The following STAU2 variants were observed in gnomAD, a reference collection of about 807,000 sequenced individuals.
STAU2 encodes the protein double-stranded RNA-binding protein Staufen homolog 2.
A neutral mutation model predicts 65.9 loss-of-function variants in STAU2; 20 were observed. The observed-to-expected ratio is 0.30, with a 90% CI of 0.21 to 0.44. STAU2 has a LOEUF of 0.44. Ranked by LOEUF, STAU2 falls within the 20% of genes least tolerant of loss-of-function variation. The probability of loss-of-function intolerance (pLI) is 1.00; values close to 1 mark genes in which losing one functional copy is unlikely to be tolerated. For missense variants in STAU2, 558 were observed against 683.9 expected, an observed-to-expected ratio of 0.82 and a Z score of 2.05; for synonymous variants, 232 against 233.9, an observed-to-expected ratio of 0.99 and a Z score of 0.07.
At chr8:73,519,776 T>C (rs1046574837) in intron 13 of STAU2, among the ~76,000 whole-genome samples, 1 of 152,222 alleles carries the variant, frequency 6.6e-6, no homozygotes, top group Non-Finnish European at 1.5e-5. Context: ...GCCTCGTAAG[T>C]GCAAGAGCAT....
At chr8:73,672,892 G>T in intron 6 of STAU2, 1 of 258,006 alleles carries the variant, frequency 3.9e-6, no homozygotes, top group Non-Finnish European at 6.7e-6. Flanking sequence ...TTACGTTTGT[G>T]GGGTAGGGGA....
intron 6 of STAU2, chr8:73,651,251 G>C (rs1586194547): frequency 1.4e-6 from 1 of 705,630 alleles, no homozygotes; most frequent in East Asian, 2.8e-5. Context: ...GCTATGGCTG[G>C]GTTGAGGAAA....
At chr8:73,426,240 T>C (rs527375376) in intron 13 of STAU2, among the ~76,000 whole-genome samples, 1 of 152,178 alleles carries the variant, frequency 6.6e-6, no homozygotes, top group South Asian at 2.1e-4. Flanking sequence ...GCAATACACA[T>C]AATGCATAGT....
At chr8:73,715,634 A>AT (rs1295871383) in intron 3 of STAU2, among the ~76,000 whole-genome samples, 5 of 152,182 alleles carry the variant, frequency 3.3e-5, no homozygotes, top group Non-Finnish European at 7.3e-5. Context: ...GATGGGCAAC[A>AT]TTGATTAAAG....
chr8:73,442,412 C>G (rs923974785), intron 13 of STAU2, among the ~76,000 whole-genome samples: 5 of 149,866 alleles, frequency 3.3e-5, no homozygotes, highest in African/African-American at 7.4e-5. Context: ...CTTAAAATAA[C>G]CATTTCAAAG....
intron 1 of STAU2, among the ~76,000 whole-genome samples, chr8:73,745,116 AAT>A (rs1807180828): frequency 6.6e-6 from 1 of 152,260 alleles, no homozygotes; most frequent in African/African-American, 2.4e-5. Context: ...AAAATATGGC[AAT>A]AGTGACTTGA....
At chr8:73,671,025 G>A (rs1817631992) in intron 6 of STAU2, among the ~76,000 whole-genome samples, 2 of 151,936 alleles carry the variant, frequency 1.3e-5, no homozygotes, top group Non-Finnish European at 2.9e-5. Flanking sequence ...AACTGGTGAA[G>A]CAATGGAATA....
chr8:73,596,483 A>ATTTT (rs1811195763), intron 10 of STAU2, among the ~76,000 whole-genome samples: 1 of 152,316 alleles, frequency 6.6e-6, no homozygotes, highest in East Asian at 1.9e-4. Flanking sequence ...AAAATACACA[A>ATTTT]CTATAGTTGA....
intron 4 of STAU2, among the ~76,000 whole-genome samples, chr8:73,707,063 G>A (rs1820555896): frequency 6.6e-6 from 1 of 152,190 alleles, no homozygotes; most frequent in South Asian, 2.1e-4. Flanking sequence ...ACTCTTGGGA[G>A]AAGAAGGCAG....
intron 13 of STAU2, among the ~76,000 whole-genome samples, chr8:73,506,020 CT>C (rs1002105340): frequency 2.0e-5 from 3 of 152,158 alleles, no homozygotes; most frequent in Non-Finnish European, 4.4e-5. Flanking sequence ...TGTAACCTTT[CT>C]AAGGCCTCAT....
chr8:73,625,507 A>G (rs1813570151), intron 6 of STAU2, among the ~76,000 whole-genome samples: 1 of 152,196 alleles, frequency 6.6e-6, no homozygotes, highest in Admixed American at 6.5e-5. Context: ...AGGCAAACCC[A>G]TAGAGACAGA....
intron 9 of STAU2, among the ~76,000 whole-genome samples, chr8:73,605,887 AC>A: frequency 7.9e-6 from 1 of 126,400 alleles, no homozygotes; most frequent in South Asian, 2.4e-4. Context: ...ATACACACAC[AC>A]ACACACACAC....
At chr8:73,711,131 CAAAAAAAAAA>C (rs751087630) in intron 3 of STAU2, among the ~76,000 whole-genome samples, 23 of 31,102 alleles carry the variant, frequency 7.4e-4, no homozygotes, top group East Asian at 1.2e-3. Context: ...AAGTGGCTTG[CAAAAAAAAAA>C]AAAAAAAAAA....
At position 73,599,770 on chromosome 8, in the gene STAU2, C is replaced by CT. The variant is rs751343976; in HGVS notation, c.1029+3955dup. 4.3e-3 allele frequency among the ~76,000 whole-genome samples: 628 copies of CT among 145,860 alleles called. 4 individuals carry two copies. Among genetic ancestry groups the CT allele is most frequent in the African/African-American group, 9.0e-3 (362 of 40,130 alleles). ...ATTTGTGTTATTATTTCCAACAGTACTTTTTTTTTTTTTGAGACGGAGTCT... is the reference window on the plus strand; with the variant it reads ...ATTTGTGTTATTATTTCCAACAGTACTTTTTTTTTTTTTTGAGACGGAGTCT... On this transcript the variant is annotated intron_variant, in intron 10 of 14. Transcript: ENST00000524300.
chr8:73,670,923 T>C (rs1817625611), intron 6 of STAU2, among the ~76,000 whole-genome samples: 1 of 151,780 alleles, frequency 6.6e-6, no homozygotes, highest in Non-Finnish European at 1.5e-5. Flanking sequence ...TAAAAACAAA[T>C]ACACAATTAA....
intron 9 of STAU2, among the ~76,000 whole-genome samples, chr8:73,608,494 C>T (rs2129779343): frequency 6.6e-6 from 1 of 151,900 alleles, no homozygotes; most frequent in African/African-American, 2.4e-5. Context: ...GTAATCCCAG[C>T]TACTCAGGAG....
At chr8:73,569,088 GA>G (rs910348903) in intron 12 of STAU2, among the ~76,000 whole-genome samples, 18 of 152,108 alleles carry the variant, frequency 1.2e-4, no homozygotes, top group African/African-American at 4.3e-4. Flanking sequence ...ATGGTACCTG[GA>G]AAATCAGGAC....
At chr8:73,464,457 T>A (rs2128901685) in intron 13 of STAU2, among the ~76,000 whole-genome samples, 1 of 152,366 alleles carries the variant, frequency 6.6e-6, no homozygotes. Context: ...TCTTGAAATA[T>A]TCTTTGAAAC....
intron 13 of STAU2, among the ~76,000 whole-genome samples, chr8:73,540,680 C>A (rs1020611612): frequency 1.3e-5 from 2 of 152,074 alleles, no homozygotes; most frequent in African/African-American, 4.8e-5. Flanking sequence ...TGGACAAAGT[C>A]TTTTGCAGAT....
Sources: allele counts gnomAD v4.1 joint callset (sites outside exome capture counted in the v4.1 genomes callset), GRCh38; gene constraint gnomAD v4.1.1; transcripts MANE v1.5; gene names NCBI Gene and HGNC (gene_info 2026-07-23, HGNC 2026-07-21).